AIG1: variants seen among roughly 807,000 people sequenced by gnomAD.
The protein encoded by AIG1 is androgen induced 1, also known as androgen-induced gene 1 protein.
A neutral mutation model predicts 31.4 loss-of-function variants in AIG1; 23 were observed. The ratio of observed to expected loss-of-function variants is 0.73; its 90% CI spans 0.53 to 1.04. The LOEUF is 1.04. Ranked by LOEUF, AIG1 falls within the 50% of genes least tolerant of loss-of-function variation. The probability of loss-of-function intolerance (pLI) is 0.00; values close to 1 mark genes in which losing one functional copy is unlikely to be tolerated. For synonymous variants in AIG1, 100 were observed against 110.5 expected (o/e 0.90, Z 0.60); for missense variants, 274 against 295.0 (o/e 0.93, Z 0.52).
At chr6:143,075,425 C>T (rs1482196635) in intron 1 of AIG1, among the ~76,000 whole-genome samples, 1 of 151,962 alleles carries the variant, frequency 6.6e-6, no homozygotes, top group Non-Finnish European at 1.5e-5. Flanking sequence ...CACCTCAGCC[C>T]CCCAAGTAGC....
intron 3 of AIG1, chr6:143,187,788 T>C (rs1789405705): frequency 1.3e-6 from 2 of 1,504,960 alleles, no homozygotes; most frequent in East Asian, 2.5e-5. Flanking sequence ...GAAATGACCT[T>C]GAAGCGAAGT....
chr6:143,173,142 G>A (rs553021563), intron 3 of AIG1, among the ~76,000 whole-genome samples: 9 of 151,978 alleles, frequency 5.9e-5, no homozygotes, highest in East Asian at 1.9e-4. Context: ...TGCAACCTCC[G>A]CCTCCTGGGT....
chr6:143,083,541 C>G (rs536073472), intron 1 of AIG1, among the ~76,000 whole-genome samples: 1 of 152,254 alleles, frequency 6.6e-6, no homozygotes, highest in South Asian at 2.1e-4. Context: ...TTAGGTACAG[C>G]TGGGTATAGA....
rs965519640 is a variant in AIG1, at chr6:143,299,760, G to A, written c.515+15535G>A. On this transcript the variant is annotated intron_variant, in intron 4 of 5. Transcript: ENST00000357847. The surrounding 1 kb of genome is among the most constrained non-coding windows in gnomAD (Gnocchi z 4.1). ...ACACATCAGCTCTGCTAAACTGCTTGTAGTTCCACGAACTCACCTCTGGGA... is the reference window on the plus strand; with the variant it reads ...ACACATCAGCTCTGCTAAACTGCTTATAGTTCCACGAACTCACCTCTGGGA... Among the ~76,000 whole-genome samples the A allele has an allele frequency of 1.3e-5, 2 of 152,150 alleles. No homozygotes were observed. The highest frequency in any genetic ancestry group is 2.9e-5 in the Non-Finnish European group (2 of 68,022).
In AIG1 at chr6:143,334,168, G is replaced by T; in HGVS notation, c.679+723G>T. The T allele has an allele frequency of 6.9e-7, 1 of 1,452,908 alleles. No individual in the cohort carries two copies. Among genetic ancestry groups the T allele is most frequent in the Non-Finnish European group, 9.4e-7 (1 of 1,067,746 alleles). 90.0% of individuals were successfully genotyped at this position (1,452,908 alleles called of 1,614,324 possible). A position where few individuals can be genotyped will look rare whatever the true frequency, so the allele number is the denominator to read the frequency against. On this transcript the variant is annotated intron_variant, in intron 5 of 5. Coordinates refer to ENST00000357847, the MANE Select transcript of AIG1 (RefSeq NM_016108.4). The surrounding 1 kb of genome is among the most constrained non-coding windows in gnomAD (Gnocchi z 5.1). Reference sequence around the variant, plus strand: ...ACAATAACATAAAAATTGAAAGGTGGAAAAAGCGCCAGCACAGACATGTAG... The same window carrying T: ...ACAATAACATAAAAATTGAAAGGTGTAAAAAGCGCCAGCACAGACATGTAG...
At chr6:143,152,315 T>A (rs1785314928) in intron 2 of AIG1, among the ~76,000 whole-genome samples, 1 of 152,240 alleles carries the variant, frequency 6.6e-6, no homozygotes. Context: ...TGTGTACTTA[T>A]AGCTACCCTT....
At chr6:143,184,684 G>A (rs1174095261) in intron 3 of AIG1, among the ~76,000 whole-genome samples, 1 of 152,150 alleles carries the variant, frequency 6.6e-6, no homozygotes, top group Non-Finnish European at 1.5e-5. Flanking sequence ...AACTGAGGCA[G>A]CAGCCTCGTC....
At chr6:143,196,350 A>AACACACGCACACACAC (rs1031872426) in intron 3 of AIG1, among the ~76,000 whole-genome samples, 38 of 141,720 alleles carry the variant, frequency 2.7e-4, no homozygotes, top group African/African-American at 9.7e-4. Flanking sequence ...CAACAAAAGC[A>AACACACGCACACACAC]ACACACACAC....
At chr6:143,303,629 C>A (rs1292116012) in intron 4 of AIG1, among the ~76,000 whole-genome samples, 1 of 150,548 alleles carries the variant, frequency 6.6e-6, no homozygotes, top group Non-Finnish European at 1.5e-5. Context: ...GTTACTGTAG[C>A]CTTGTAGTAT....
rs192778635 is a variant in AIG1 at position 143,190,908 on chromosome 6, C to A, written c.399+25725C>A. On this transcript the variant is annotated intron_variant, in intron 3 of 5. Coordinates refer to ENST00000357847, the MANE Select transcript of AIG1 (RefSeq NM_016108.4). ...TTGAAGTTGCATTAATGTTGGTCAA[C>A]CCTGGATGGCTCGGGTCTCATACTC... 2.9e-3 allele frequency among the ~76,000 whole-genome samples: 442 copies of A among 152,242 alleles called. 3 individuals are homozygous for A. The highest frequency in any genetic ancestry group is 9.0e-3 in the African/African-American group (372 of 41,538).
intron 4 of AIG1, among the ~76,000 whole-genome samples, chr6:143,296,499 G>A (rs1054863265): frequency 2.6e-5 from 4 of 152,064 alleles, no homozygotes; most frequent in Non-Finnish European, 4.4e-5. Context: ...TCTTCACAGG[G>A]ACCCCTATCC....
chr6:143,153,265 C>T (rs1262674016), intron 2 of AIG1, among the ~76,000 whole-genome samples: 3 of 152,224 alleles, frequency 2.0e-5, no homozygotes, highest in Non-Finnish European at 2.9e-5. Context: ...TGCTACTTCT[C>T]TTTCTTATGG....
intron 1 of AIG1, among the ~76,000 whole-genome samples, chr6:143,088,150 TCATC>T (rs1349065884): frequency 6.6e-6 from 1 of 152,192 alleles, no homozygotes; most frequent in Non-Finnish European, 1.5e-5. Flanking sequence ...TGCATTCCAT[TCATC>T]TTGCATTAAA....
intron 1 of AIG1, among the ~76,000 whole-genome samples, chr6:143,127,283 GT>G (rs1782771731): frequency 6.6e-6 from 1 of 152,082 alleles, no homozygotes; most frequent in South Asian, 2.1e-4. Flanking sequence ...TCTCTCCACA[GT>G]TTTCCTTCAT....
chr6:143,273,331 T>G (rs1796670140), intron 3 of AIG1, among the ~76,000 whole-genome samples: 1 of 152,230 alleles, frequency 6.6e-6, no homozygotes, highest in African/African-American at 2.4e-5. Flanking sequence ...TTCAGAGTGC[T>G]GTGAATGATG....
At chr6:143,159,977 A>G (rs1786181080) in intron 2 of AIG1, among the ~76,000 whole-genome samples, 1 of 152,228 alleles carries the variant, frequency 6.6e-6, no homozygotes, top group South Asian at 2.1e-4. Context: ...AAGCAAGGTA[A>G]TAGAGCCCCA....
chr6:143,120,003 C>T lies in AIG1; in HGVS notation c.142-16832C>T, dbSNP rs190259977. On this transcript the variant is annotated intron_variant, in intron 1 of 5. Transcript: ENST00000357847. ...GGAGTGCAATGGCATGATCTTGGCT[C>T]ACCACAACCTCTGCCTCCTGGGTTC... is the stretch of plus-strand genomic sequence containing the variant. Among the ~76,000 whole-genome samples the T allele has an allele frequency of 5.3e-3, 803 of 152,286 alleles. 5 individuals are homozygous for T. The highest frequency in any genetic ancestry group is 0.012 in the African/African-American group (493 of 41,558).
At chr6:143,321,198 G>A (rs373853912) in intron 4 of AIG1, among the ~76,000 whole-genome samples, 7 of 152,230 alleles carry the variant, frequency 4.6e-5, no homozygotes, top group African/African-American at 1.7e-4. Flanking sequence ...TATGTTTATG[G>A]CACTGTTTAT....
chr6:143,089,549 AT>A (rs1325724879), intron 1 of AIG1, among the ~76,000 whole-genome samples: 1 of 152,238 alleles, frequency 6.6e-6, no homozygotes, highest in African/African-American at 2.4e-5. Context: ...GTCCATTTGT[AT>A]TGCTATAAAG....
Sources: allele counts gnomAD v4.1 joint callset (sites outside exome capture counted in the v4.1 genomes callset), GRCh38; gene constraint gnomAD v4.1.1; non-coding constraint Gnocchi (gnomAD v3.1); transcripts MANE v1.5; gene names NCBI Gene and HGNC (gene_info 2026-07-23, HGNC 2026-07-21).